Variants in PLEKHG5 observed in about 807,000 individuals in gnomAD.
PLEKHG5 encodes pleckstrin homology and RhoGEF domain containing G5.
Under a neutral mutation model 103.8 loss-of-function variants are expected in PLEKHG5, and 52 were observed. The ratio of observed to expected loss-of-function variants is 0.50; its 90% CI spans 0.40 to 0.63. The LOEUF is 0.63. Ranked by LOEUF, PLEKHG5 falls within the 30% of genes least tolerant of loss-of-function variation. The pLI is 0.00. For synonymous variants in PLEKHG5, 592 were observed against 575.5 expected, an observed-to-expected ratio of 1.03 and a Z score of -0.41; for missense variants, 1,205 against 1,347.6, an observed-to-expected ratio of 0.89 and a Z score of 1.66.
At position 6,467,580 on chromosome 1, in the gene PLEKHG5, G is replaced by C; in HGVS notation, c.3012-8C>G. The C allele has an allele frequency of 6.2e-7, 1 of 1,613,156 alleles. No individual in the cohort carries two copies. The highest frequency in any genetic ancestry group is 8.5e-7 in the Non-Finnish European group (1 of 1,179,568). Reference sequence around the variant, plus strand: ...CCCTCTGCTCAGACCTCCCTACAGGGTGGGGAGGGGACAGAGTCCTTCTTT... The same window carrying C: ...CCCTCTGCTCAGACCTCCCTACAGGCTGGGGAGGGGACAGAGTCCTTCTTT... On this transcript the variant is annotated splice_polypyrimidine_tract_variant and splice_region_variant and intron_variant, in intron 20 of 20. Transcript: ENST00000377728.
At chr1:6,496,881 C>A, upstream of PLEKHG5, 1 of 1,271,792 alleles carries the variant, frequency 7.9e-7, no homozygotes. Flanking sequence ...CCTTTTGGGG[C>A]CCCAGACTTC....
chr1:6,508,635 C>G lies in PLEKHG5; in HGVS notation c.-165+10810G>C, dbSNP rs550033000. The stretch of plus-strand genomic sequence containing the variant: ...GGGGAAAACCAGGAAACAAGACTGA[C>G]GAGCGATGCCGCTGACAAACACGGG... On this transcript the variant is annotated intron_variant, in intron 1 of 21. Coordinates refer to the PLEKHG5 transcript ENST00000377740. 2.6e-5 allele frequency among the ~76,000 whole-genome samples: 4 copies of G among 152,356 alleles called. No homozygotes were observed. The East Asian group carries it at 7.7e-4, about 29-fold the overall frequency.
chr1:6,474,589 T>C lies in PLEKHG5; in HGVS notation c.303-2A>G. ...TCAAATACAGGCAGCAGCACCTCCC[T>C]GCCCCCAGGACAGGAGGCATGTGTG... On this transcript the variant is annotated splice_acceptor_variant, in intron 5 of 20. Transcript: ENST00000377728. LOFTEE classifies it high-confidence loss of function. 1.2e-6 allele frequency: 2 copies of C among 1,613,412 alleles called. No homozygotes were observed. Among genetic ancestry groups the C allele is most frequent in the Non-Finnish European group, 1.7e-6 (2 of 1,179,918 alleles).
chr1:6,477,748 T>C, intron 1 of PLEKHG5, 90 bp from the exon 2 acceptor site: 1 of 1,346,354 alleles, frequency 7.4e-7, no homozygotes, highest in South Asian at 1.2e-5. Flanking sequence ...TAGAATGAAC[T>C]GCCCTCCATC....
At chr1:6,469,717 G>T (rs1176746301) in intron 16 of PLEKHG5, 41 bp from the exon 17 acceptor site, 1 of 1,604,578 alleles carries the variant, frequency 6.2e-7, no homozygotes, top group Middle Eastern at 2.1e-4. Flanking sequence ...AGGCCAGCAG[G>T]GTCAGGGCCA....
chr1:6,478,179 C>T (rs1228175104), intron 1 of PLEKHG5, among the ~76,000 whole-genome samples: 5 of 152,080 alleles, frequency 3.3e-5, no homozygotes, highest in Admixed American at 6.5e-5. Flanking sequence ...CCACCGCGCC[C>T]GGCTTCTCCA....
chr1:6,497,179 C>T, upstream of PLEKHG5: 1 of 884,650 alleles, frequency 1.1e-6, no homozygotes, highest in Non-Finnish European at 1.8e-6. This position sits in a 1 kb window ranked among gnomAD's most constrained non-coding sequence, Gnocchi z 6.1. Flanking sequence ...GACTTGGGGG[C>T]CGAGTTTGGG....
intron 2 of PLEKHG5, 72 bp from the exon 3 acceptor site, chr1:6,476,108 G>GT: frequency 7.6e-7 from 1 of 1,315,614 alleles, no homozygotes; most frequent in Non-Finnish European, 1.1e-6. Flanking sequence ...GCCTCCAGAG[G>GT]GACCACAGCC....
In PLEKHG5 at chr1:6,474,031, C is replaced by T. The variant is rs747930165; in HGVS notation, c.573G>A (p.Arg191=). The part of the protein sequence containing the change: ...ALERVDAQSR[R]ESLDILAPGR... ...TCCTCACCAAGATGTCCAGGCTCTC[C>T]CGGCGGCTCTGGGCGTCCACACGCT... Residue 191 remains arginine, a synonymous_variant, in exon 7 of 21, where the codon CGG becomes CGA. Coordinates refer to ENST00000377728, the MANE Select transcript of PLEKHG5 (RefSeq NM_020631.6). 1 of 1,607,078 alleles carries T rather than the reference C, an allele frequency of 6.2e-7. No individual in the cohort carries two copies. Among genetic ancestry groups the T allele is most frequent in the Admixed American group, 1.7e-5 (1 of 59,590 alleles).
chr1:6,501,328 C>T (rs896185655), upstream of PLEKHG5, among the ~76,000 whole-genome samples: 4 of 152,220 alleles, frequency 2.6e-5, no homozygotes, highest in African/African-American at 9.6e-5. This position sits in a 1 kb window ranked among gnomAD's most constrained non-coding sequence, Gnocchi z 4.3. Flanking sequence ...CCTCCCATCG[C>T]TGTCTGCTGC....
At chr1:6,507,601 G>C (rs772113582) in intron 1 of PLEKHG5, among the ~76,000 whole-genome samples, 6 of 152,210 alleles carry the variant, frequency 3.9e-5, no homozygotes, top group Non-Finnish European at 8.8e-5. Context: ...GGAGCTGGCA[G>C]CAGAAGGCTC....
At chr1:6,471,293 G>C in intron 12 of PLEKHG5, 193 bp from the exon 13 acceptor site, 1 of 769,562 alleles carries the variant, frequency 1.3e-6, no homozygotes. Flanking sequence ...CCAGGGATCA[G>C]GGGTAGATGG....
chr1:6,495,043 AC>A (rs1157539357), upstream of PLEKHG5, among the ~76,000 whole-genome samples: 1 of 151,830 alleles, frequency 6.6e-6, no homozygotes, highest in Non-Finnish European at 1.5e-5. Flanking sequence ...CAGCTTGAGG[AC>A]CCCCCCTGAG....
intron 1 of PLEKHG5, 53 bp from the exon 2 acceptor site, chr1:6,477,711 C>G: frequency 6.3e-7 from 1 of 1,576,168 alleles, no homozygotes; most frequent in Non-Finnish European, 8.5e-7. Flanking sequence ...CCACATCCCT[C>G]GACCCCGGCC....
intron 7 of PLEKHG5, 55 bp downstream of exon 7, chr1:6,473,958 G>T: frequency 1.3e-6 from 2 of 1,496,566 alleles, no homozygotes; most frequent in Non-Finnish European, 1.8e-6. Flanking sequence ...AGGGGCTGTG[G>T]GCCCAGCCTG....
intron 1 of PLEKHG5, 75 bp from the exon 2 acceptor site, chr1:6,477,733 G>C: frequency 6.5e-7 from 1 of 1,537,992 alleles, no homozygotes. Flanking sequence ...AGCGCTGCAG[G>C]GACTTAGAAT....
At chr1:6,470,941 C>T (rs1644556164) in intron 13 of PLEKHG5, 49 bp downstream of exon 13, 1 of 1,539,180 alleles carries the variant, frequency 6.5e-7, no homozygotes, top group Middle Eastern at 1.8e-4. Context: ...CCGGCCCCGT[C>T]CAGGGTCCCG....
chr1:6,489,422 TC>T (rs1373519607), intron 1 of PLEKHG5, among the ~76,000 whole-genome samples: 1 of 151,896 alleles, frequency 6.6e-6, no homozygotes, highest in Non-Finnish European at 1.5e-5. Flanking sequence ...AGAAAACCTC[TC>T]CCCAGGCTAA....
At chr1:6,495,050 C>T (rs1356049871), upstream of PLEKHG5, among the ~76,000 whole-genome samples, 1 of 152,256 alleles carries the variant, frequency 6.6e-6, no homozygotes, top group Non-Finnish European at 1.5e-5. Flanking sequence ...AGGACCCCCC[C>T]TGAGAGCAGC....
Sources: allele counts gnomAD v4.1 joint callset (sites outside exome capture counted in the v4.1 genomes callset), GRCh38; gene constraint gnomAD v4.1.1; non-coding constraint Gnocchi (gnomAD v3.1); transcripts MANE v1.5; gene names NCBI Gene and HGNC (gene_info 2026-07-23, HGNC 2026-07-21).